BNIP1: variants seen among roughly 807,000 people sequenced by gnomAD.
BNIP1 encodes BCL2 interacting protein 1, also known as vesicle transport protein SEC20.
In BNIP1, 25 loss-of-function variants were observed where a neutral mutation model predicts 28.5. The observed-to-expected ratio is 0.88, with a 90% CI of 0.64 to 1.23. The LOEUF is 1.23. BNIP1 is among the 50% of genes most tolerant of loss of function. The pLI, the probability that BNIP1 is intolerant of heterozygous loss-of-function variation, is 0.00. For missense variants in BNIP1, 276 were observed against 277.0 expected (o/e 1.00, Z 0.02); for synonymous variants, 118 against 101.7 (o/e 1.16, Z -0.96).
Position 173,163,790 on chromosome 5 carries a change from C to A in BNIP1, c.556C>A (p.Leu186Met), listed in dbSNP as rs750935815. 9 of 1,613,594 alleles carry A rather than the reference C, an allele frequency of 5.6e-6. No homozygotes were observed. In the East Asian group the frequency reaches 1.6e-4, roughly 28 times the overall value. Residue 186 changes from leucine (L) to methionine (M), a missense_variant, in exon 6 of 6, where the codon CTG becomes ATG. Leu to Met is a conservative substitution (Grantham distance 15, BLOSUM62 2). Coordinates refer to ENST00000351486, the MANE Select transcript of BNIP1 (RefSeq NM_001205.3). ...TAAGTCCATGTCGGGCACCATCCAGCTGGGCCGGAAGCTTATCACAAAATA... is the reference window on the plus strand; with the variant it reads ...TAAGTCCATGTCGGGCACCATCCAGATGGGCCGGAAGCTTATCACAAAATA... ...EFKSMSGTIQ[L>M]GRKLITKYNR... is the part of the protein sequence containing the mutation.
intron 3 of BNIP1, among the ~76,000 whole-genome samples, chr5:173,158,329 G>A (rs1192872473): frequency 1.3e-5 from 2 of 152,204 alleles, no homozygotes; most frequent in South Asian, 4.1e-4. Context: ...GGTTCTCCGG[G>A]GATGGTACCA....
chr5:173,157,419 TC>T (rs1760231569), intron 3 of BNIP1, among the ~76,000 whole-genome samples: 1 of 151,826 alleles, frequency 6.6e-6, no homozygotes, highest in Non-Finnish European at 1.5e-5. Context: ...TGTCAACATT[TC>T]TTTTTTTTTT....
At position 173,164,133 on chromosome 5, in the gene BNIP1, C is replaced by T. The variant is rs1024517518; in HGVS notation, c.*212C>T. 34 of 443,682 alleles carry T rather than the reference C, an allele frequency of 7.7e-5. No homozygotes were observed. The highest frequency in any genetic ancestry group is 1.2e-3 in the Middle Eastern group (2 of 1,716). 27.5% of individuals were successfully genotyped at this position (443,682 alleles called of 1,614,324 possible). A position where few individuals can be genotyped will look rare whatever the true frequency, so the allele number is the denominator to read the frequency against. On this transcript the variant is annotated 3_prime_UTR_variant, in exon 6 of 6. Coordinates refer to ENST00000351486, the MANE Select transcript of BNIP1 (RefSeq NM_001205.3). This position sits in a 1 kb window ranked among gnomAD's most constrained non-coding sequence, Gnocchi z 4.0. ...GGAGGAAGGTCTGGCATTGGGATGC[C>T]GCCCTGGGGACATACGAACCGCCTC...
chr5:173,154,328 G>C lies in BNIP1; in HGVS notation c.184G>C (p.Glu62Gln). The C allele has an allele frequency of 6.2e-7, 1 of 1,613,334 alleles. No individual in the cohort carries two copies. Among genetic ancestry groups the C allele is most frequent in the Non-Finnish European group, 8.5e-7 (1 of 1,179,648 alleles). Residue 62 changes from glutamate to glutamine, a missense_variant, in exon 3 of 6, where the codon GAG becomes CAG. Transcript: ENST00000351486. ...QQLRHRIQDL[E>Q]QLAKEQDKES... is the part of the protein sequence containing the mutation. Reference sequence around the variant, plus strand: ...GAATTATTTTTCCTCAAAGGACCTGGAGCAGTTGGCTAAAGAGCAAGACAA... The same window carrying C: ...GAATTATTTTTCCTCAAAGGACCTGCAGCAGTTGGCTAAAGAGCAAGACAA...
intron 2 of BNIP1, chr5:173,151,585 C>T (rs1760021554): frequency 6.2e-7 from 1 of 1,608,362 alleles, no homozygotes; most frequent in Non-Finnish European, 8.5e-7. Context: ...TATCAAAGGG[C>T]ATTTATTTGG....
intron 2 of BNIP1, among the ~76,000 whole-genome samples, chr5:173,147,691 T>G (rs1168822491): frequency 1.3e-5 from 2 of 152,028 alleles, no homozygotes; most frequent in Non-Finnish European, 2.9e-5. Context: ...ATGGTATATG[T>G]GCTGTCTCAA....
At chr5:173,159,909 C>T (rs555189519) in intron 4 of BNIP1, 24 bp from the exon 5 acceptor site, 1 of 1,607,284 alleles carries the variant, frequency 6.2e-7, no homozygotes, top group South Asian at 1.1e-5. Flanking sequence ...CATTCCTCCC[C>T]TTTCTCTTCC....
intron 2 of BNIP1, among the ~76,000 whole-genome samples, chr5:173,148,215 C>T (rs1455724190): frequency 6.8e-6 from 1 of 147,412 alleles, no homozygotes; most frequent in African/African-American, 2.5e-5. Flanking sequence ...CCTCCTGCCT[C>T]AGCCTCTGAA....
At chr5:173,162,728 A>G (rs1760398619) in intron 5 of BNIP1, among the ~76,000 whole-genome samples, 1 of 152,140 alleles carries the variant, frequency 6.6e-6, no homozygotes, top group Non-Finnish European at 1.5e-5. Context: ...GCAGCCTCGC[A>G]TGTCTAGGGG....
rs1199642681 is a variant in BNIP1 at position 173,155,630 on chromosome 5, A to G, written c.269+1217A>G. On this transcript the variant is annotated intron_variant, in intron 3 of 5. Coordinates refer to ENST00000351486, the MANE Select transcript of BNIP1 (RefSeq NM_001205.3). ...GGAGAATCGCTTGAGCCCGGGAGGC[A>G]GAGGTTGCAGTGAGCCGAGATTGCT... 3.3e-5 allele frequency among the ~76,000 whole-genome samples: 5 copies of G among 152,242 alleles called. No individual in the cohort carries two copies. In the East Asian group the frequency reaches 9.7e-4, roughly 29 times the overall value.
At chr5:173,147,723 T>G (rs1759881829) in intron 2 of BNIP1, among the ~76,000 whole-genome samples, 1 of 152,132 alleles carries the variant, frequency 6.6e-6, no homozygotes, top group Non-Finnish European at 1.5e-5. Context: ...GGGTGACAAG[T>G]AGCAGTTATG....
chr5:173,144,850 G>A, intron 1 of BNIP1: 1 of 535,880 alleles, frequency 1.9e-6, no homozygotes, highest in Non-Finnish European at 3.3e-6. Flanking sequence ...CATCCCCAGA[G>A]CACCCCACTG....
intron 2 of BNIP1, among the ~76,000 whole-genome samples, chr5:173,153,255 T>A (rs1445093102): frequency 6.6e-6 from 1 of 151,218 alleles, no homozygotes; most frequent in African/African-American, 2.4e-5. Flanking sequence ...TTTGAGACAG[T>A]CTCTCTCTGT....
At chr5:173,145,694 C>T (rs541900415) in intron 1 of BNIP1, among the ~76,000 whole-genome samples, 5 of 152,214 alleles carry the variant, frequency 3.3e-5, no homozygotes, top group Non-Finnish European at 7.3e-5. Flanking sequence ...TGAGCCACCG[C>T]GCCCGGCCTA....
At chr5:173,151,860 T>G (rs919291188) in intron 2 of BNIP1, among the ~76,000 whole-genome samples, 5 of 152,328 alleles carry the variant, frequency 3.3e-5, no homozygotes, top group South Asian at 2.1e-4. Context: ...CCCATCCCAG[T>G]TTTAATCTGC....
Position 173,146,938 on chromosome 5 carries a change from C to T in BNIP1, c.157C>T (p.Gln53Ter). Residue 53 changes from glutamine (Q) to a stop codon, truncating the protein, a stop_gained, in exon 2 of 6, where the codon CAG (glutamine) becomes TAG (stop). Transcript: ENST00000351486. LOFTEE classifies it high-confidence loss of function. ...LNTKVKEKFQ[Q>*]LRHRIQDLEQ... is the part of the protein sequence containing the mutation. ...TACTAAAGTAAAAGAGAAATTTCAA[C>T]AGTTGCGTCACAGAATACAGGTGGG... 1 of 1,613,512 alleles carries T rather than the reference C, an allele frequency of 6.2e-7. No homozygotes were observed. The highest frequency in any genetic ancestry group is 1.1e-5 in the South Asian group (1 of 91,060).
intron 1 of BNIP1, 192 bp downstream of exon 1, chr5:173,144,821 C>T: frequency 1.8e-6 from 1 of 567,420 alleles, no homozygotes; most frequent in South Asian, 2.2e-5. Flanking sequence ...ATCCTTTTTC[C>T]GGGTGCCGCC....
intron 2 of BNIP1, among the ~76,000 whole-genome samples, chr5:173,149,554 T>G (rs1488170136): frequency 1.3e-5 from 2 of 152,206 alleles, no homozygotes; most frequent in African/African-American, 4.8e-5. Flanking sequence ...TGGATGGGTC[T>G]TGTGGCACCT....
rs142359158 is a variant in BNIP1 at position 173,158,792 on chromosome 5, C to T, written c.318C>T (p.Ile106=). 2,368 of 1,614,004 alleles carry T rather than the reference C, an allele frequency of 1.5e-3. 31 individuals carry two copies. The South Asian group carries it at 0.015, about 11-fold the overall frequency. Residue 106 remains isoleucine (I), a synonymous_variant, in exon 4 of 6, where the codon ATC becomes ATT. Transcript: ENST00000351486. ...CTAATCTCACCTGCAAAATTGCAAT[C>T]GACAATCTAGAGAAAGCAGAACTTC... ...RKANLTCKIA[I]DNLEKAELLQ...
Sources: gnomAD v4.1 joint callset for allele counts (sites outside exome capture counted in the v4.1 genomes callset) on GRCh38, gnomAD v4.1.1 for gene constraint, Gnocchi (gnomAD v3.1) non-coding constraint, MANE v1.5 for transcripts, NCBI Gene and HGNC (gene_info 2026-07-23, HGNC 2026-07-21) for gene names.